The following SGCE variants were observed in gnomAD, a reference collection of about 807,000 sequenced individuals.
SGCE encodes epsilon-sarcoglycan.
A neutral mutation model predicts 57.8 loss-of-function variants in SGCE; 26 were observed. The observed-to-expected ratio is 0.45, with a 90% CI of 0.33 to 0.62. The LOEUF is 0.62. SGCE is among the 20% of genes least tolerant of loss of function. The pLI is 0.02. For missense variants in SGCE, 468 were observed against 548.6 expected, an observed-to-expected ratio of 0.85 and a Z score of 1.47; for synonymous variants, 183 against 189.5, an observed-to-expected ratio of 0.97 and a Z score of 0.28.
intron 4 of SGCE, chr7:94,622,158 G>A (rs192051648): frequency 6.6e-6 from 1 of 152,304 alleles, no homozygotes; most frequent in Admixed American, 6.5e-5. Flanking sequence ...CTGATAAAAT[G>A]TTTGGTGTTT....
chr7:94,620,117 A>G (rs1484001704), intron 4 of SGCE: 2 of 152,314 alleles, frequency 1.3e-5, no homozygotes, highest in African/African-American at 4.8e-5. Context: ...TATCTGTAAG[A>G]TATTCCACTT....
intron 3 of SGCE, chr7:94,627,630 T>A (rs983107512): frequency 3.9e-5 from 6 of 152,502 alleles, no homozygotes; most frequent in African/African-American, 1.2e-4. Flanking sequence ...TTCCTTCTAC[T>A]TTGTCAAGTA....
intron 3 of SGCE, 197 bp from the exon 4 acceptor site, chr7:94,623,594 G>A (rs1803189972): frequency 1.7e-6 from 1 of 574,546 alleles, no homozygotes; most frequent in African/African-American, 1.9e-5. Context: ...AATTAGTCAG[G>A]TCTATTTAAT....
At chr7:94,608,488 C>T (rs955190700) in intron 5 of SGCE, among the ~76,000 whole-genome samples, 1 of 152,160 alleles carries the variant, frequency 6.6e-6, no homozygotes, top group African/African-American at 2.4e-5. Flanking sequence ...TGTCCATATG[C>T]CAGTTCTTCC....
chr7:94,599,857 G>A (rs1418166696), intron 7 of SGCE, 134 bp from the exon 8 acceptor site: 2 of 721,942 alleles, frequency 2.8e-6, no homozygotes, highest in Non-Finnish European at 5.0e-6. Context: ...GGCAGCATTT[G>A]CCACCAGGTT....
At chr7:94,639,011 T>A (rs1455320080) in intron 1 of SGCE, among the ~76,000 whole-genome samples, 1 of 152,224 alleles carries the variant, frequency 6.6e-6, no homozygotes, top group African/African-American at 2.4e-5. Flanking sequence ...TATAAATAAC[T>A]TGTTATAGTA....
rs564120985 is a variant in SGCE, at chr7:94,614,960, G to A, written c.662+3798C>T. Among the ~76,000 whole-genome samples, 11 of 152,088 alleles carry A rather than the reference G, an allele frequency of 7.2e-5. No homozygotes were observed. The East Asian group carries it at 1.7e-3, about 24-fold the overall frequency. ...TTTTTTTGTTATAAAAATTGATACA[G>A]GTTTCCAATTTTATTAAAGGCATTT... is the stretch of plus-strand genomic sequence containing the variant. On this transcript the variant is annotated intron_variant, in intron 5 of 10. Transcript: ENST00000648936.
intron 10 of SGCE, chr7:94,587,888 A>T (rs1311354014): frequency 4.0e-5 from 60 of 1,499,320 alleles, no homozygotes; most frequent in Non-Finnish European, 5.1e-5. Flanking sequence ...AATGTGCCTG[A>T]AGTTTTTAAG....
chr7:94,645,167 G>A (rs1806890105), intron 1 of SGCE, among the ~76,000 whole-genome samples: 1 of 152,160 alleles, frequency 6.6e-6, no homozygotes, highest in Non-Finnish European at 1.5e-5. Flanking sequence ...CCCAAATACA[G>A]TCATGCATTG....
rs991138646 is a variant in SGCE, at chr7:94,618,664, A to C, written c.662+94T>G. 6.8e-6 allele frequency: 7 copies of C among 1,028,426 alleles called. No homozygotes were observed. In the African/African-American group the frequency reaches 9.8e-5, roughly 14 times the overall value. 63.7% of individuals were successfully genotyped at this position (1,028,426 alleles called of 1,614,324 possible). A position where few individuals can be genotyped will look rare whatever the true frequency, so the allele number is the denominator to read the frequency against. On this transcript the variant is annotated intron_variant, in intron 5 of 10. Coordinates refer to ENST00000648936, the MANE Select transcript of SGCE (RefSeq NM_003919.3). ...ATATCTATTTCTTATTAAAACGAAAAATGCAATAGGCCATCTTCCATCTAT... is the reference window on the plus strand; with the variant it reads ...ATATCTATTTCTTATTAAAACGAAACATGCAATAGGCCATCTTCCATCTAT...
chr7:94,648,376 C>CAAAAAAAAAAAAAAAAAAAA (rs71123907), intron 1 of SGCE, among the ~76,000 whole-genome samples: 41 of 65,080 alleles, frequency 6.3e-4, no homozygotes, highest in Admixed American at 1.0e-3. Flanking sequence ...ACTCTGTCTC[C>CAAAAAAAAAAAAAAAAAAAA]AAAAAAAAAA....
chr7:94,647,566 C>T (rs1454132728), intron 1 of SGCE, among the ~76,000 whole-genome samples: 1 of 152,168 alleles, frequency 6.6e-6, no homozygotes, highest in East Asian at 1.9e-4. Flanking sequence ...AAGATTTTCC[C>T]ATTGCTCTTA....
chr7:94,603,338 A>G lies in SGCE; in HGVS notation c.777T>C (p.Asp259=). ...SQEMEPVITC[D]KKFRTQFYID... is the part of the protein sequence containing the mutation. ...TGTAAAATTGAGTACGAAATTTTTT[A>G]TCACATGTTATTACAGGCTCCATTT... The change falls in exon 6 of 11, where the codon GAT becomes GAC. Residue 259 remains aspartate, a synonymous_variant. Transcript: ENST00000648936. 6.2e-7 allele frequency: 1 copy of G among 1,612,818 alleles called. No individual in the cohort carries two copies. The highest frequency in any genetic ancestry group is 8.5e-7 in the Non-Finnish European group (1 of 1,179,172).
At chr7:94,623,593 G>T in intron 3 of SGCE, 196 bp from the exon 4 acceptor site, 1 of 572,378 alleles carries the variant, frequency 1.7e-6, no homozygotes, top group East Asian at 2.8e-5. Context: ...TAATTAGTCA[G>T]GTCTATTTAA....
At chr7:94,588,963 CTAAAG>C in intron 9 of SGCE, 4 of 538,504 alleles carry the variant, frequency 7.4e-6, no homozygotes, top group Non-Finnish European at 1.3e-5. Context: ...GGGCTATACT[CTAAAG>C]TACCTCACAA....
At chr7:94,587,487 A>G in intron 10 of SGCE, 3 of 1,281,990 alleles carry the variant, frequency 2.3e-6, no homozygotes, top group Non-Finnish European at 2.9e-6. Flanking sequence ...TATCATTTCT[A>G]TCGTAGAAGT....
At chr7:94,609,191 C>CA (rs754970750) in intron 5 of SGCE, among the ~76,000 whole-genome samples, 4 of 152,214 alleles carry the variant, frequency 2.6e-5, no homozygotes, top group East Asian at 1.9e-4. Context: ...CCAAAATATA[C>CA]AAAAAACACT....
chr7:94,637,345 T>C (rs1279028517), intron 1 of SGCE, among the ~76,000 whole-genome samples: 1 of 152,180 alleles, frequency 6.6e-6, no homozygotes, highest in Non-Finnish European at 1.5e-5. Flanking sequence ...AATTCAGAAC[T>C]ATAATGATAG....
chr7:94,612,896 A>C (rs1274469228), intron 5 of SGCE, among the ~76,000 whole-genome samples: 1 of 151,992 alleles, frequency 6.6e-6, no homozygotes, highest in Non-Finnish European at 1.5e-5. Flanking sequence ...CACATATTCA[A>C]TCCATCATCA....
Sources: gnomAD v4.1 joint callset for allele counts (sites outside exome capture counted in the v4.1 genomes callset) on GRCh38, gnomAD v4.1.1 for gene constraint, MANE v1.5 for transcripts, NCBI Gene and HGNC (gene_info 2026-07-23, HGNC 2026-07-21) for gene names.